The following CDH18 variants were observed in gnomAD, a reference collection of about 807,000 sequenced individuals.
CDH18 encodes the protein cadherin 18, also known as cadherin-18.
CDH18 carries 31 observed loss-of-function variants against 67.9 expected under a neutral mutation model. The ratio of observed to expected loss-of-function variants is 0.46; its 90% confidence interval spans 0.34 to 0.62. The LOEUF (loss-of-function observed/expected upper bound fraction) is 0.62, where lower values mean the gene tolerates loss of function less well. Ranked by LOEUF, CDH18 falls within the 20% of genes least tolerant of loss-of-function variation. CDH18 has a pLI of 0.01. For missense variants in CDH18, 890 were observed against 975.5 expected (o/e 0.91, Z 1.17); for synonymous variants, 362 against 347.2 (o/e 1.04, Z -0.48).
At chr5:20,299,009 A>G (rs1208485186) in intron 1 of CDH18, among the ~76,000 whole-genome samples, 2 of 152,198 alleles carry the variant, frequency 1.3e-5, no homozygotes, top group Non-Finnish European at 2.9e-5. Context: ...TAAAAAACAT[A>G]GGCATGACGG....
chr5:20,096,749 G>A (rs566801410), intron 2 of CDH18, among the ~76,000 whole-genome samples: 2 of 151,968 alleles, frequency 1.3e-5, no homozygotes, highest in East Asian at 1.9e-4. Context: ...AATAAAAGAG[G>A]AAACATTTAT....
intron 2 of CDH18, among the ~76,000 whole-genome samples, chr5:19,961,306 A>C (rs1366156976): frequency 6.6e-6 from 1 of 151,754 alleles, no homozygotes; most frequent in Non-Finnish European, 1.5e-5. Flanking sequence ...ATGGGGTTTC[A>C]CTATGTTGGC....
intron 2 of CDH18, among the ~76,000 whole-genome samples, chr5:20,084,351 G>A (rs2150548584): frequency 6.6e-6 from 1 of 152,300 alleles, no homozygotes; most frequent in Non-Finnish European, 1.5e-5. Context: ...GGTTCCTATG[G>A]CCTTGGGCAG....
At chr5:20,478,775 A>G (rs1017578779) in intron 1 of CDH18, among the ~76,000 whole-genome samples, 2 of 152,190 alleles carry the variant, frequency 1.3e-5, no homozygotes, top group Non-Finnish European at 2.9e-5. Flanking sequence ...ATAGCCAGAA[A>G]GTCATCACTG....
chr5:20,060,712 C>A (rs546088283), intron 2 of CDH18, among the ~76,000 whole-genome samples: 2 of 151,986 alleles, frequency 1.3e-5, no homozygotes, highest in East Asian at 3.9e-4. Flanking sequence ...CTTTTTAATG[C>A]AAATAAAAAT....
intron 2 of CDH18, among the ~76,000 whole-genome samples, chr5:20,011,212 G>A (rs1737410143): frequency 6.6e-6 from 1 of 152,104 alleles, no homozygotes; most frequent in Non-Finnish European, 1.5e-5. Flanking sequence ...TATTCTATTT[G>A]TGGCAATTGT....
intron 1 of CDH18, among the ~76,000 whole-genome samples, chr5:20,462,694 G>T (rs1042723183): frequency 8.5e-5 from 13 of 152,070 alleles, no homozygotes; most frequent in Admixed American, 7.2e-4. Flanking sequence ...TGCTGTTAAA[G>T]AATTTTGTTT....
chr5:20,414,032 T>C (rs1389641595), intron 1 of CDH18, among the ~76,000 whole-genome samples: 2 of 152,056 alleles, frequency 1.3e-5, no homozygotes, highest in African/African-American at 2.4e-5. Context: ...TATTAAAATT[T>C]CAAAAAACAA....
chr5:20,294,985 T>A (rs1222331353), intron 1 of CDH18, among the ~76,000 whole-genome samples: 2 of 152,306 alleles, frequency 1.3e-5, no homozygotes, highest in Admixed American at 6.5e-5. Flanking sequence ...AACTTTGAAA[T>A]CTGTGTGGGT....
intron 1 of CDH18, among the ~76,000 whole-genome samples, chr5:20,498,261 C>G (rs75661258): frequency 6.6e-6 from 1 of 152,056 alleles, no homozygotes; most frequent in Non-Finnish European, 1.5e-5. Flanking sequence ...TAGTAATTCT[C>G]TCTTCCTCTT....
Position 19,571,790 on chromosome 5 carries a change from C to A in CDH18, c.1042G>T (p.Glu348Ter). The change falls in exon 8 of 13, where the codon GAA becomes TAA. Residue 348 changes from glutamate (E) to a stop codon, truncating the protein, a stop_gained. Coordinates refer to ENST00000382275, the MANE Select transcript of CDH18 (RefSeq NM_004934.5). LOFTEE classifies it high-confidence loss of function. The part of the protein sequence containing the change: ...EKKKSYTLNI[E>*]GANTHLDFRF... ...AAATCAAGATGTGTATTTGCTCCTTCTATGTTGAGGGTATATGACTTCTTT... is the reference window on the plus strand; with the variant it reads ...AAATCAAGATGTGTATTTGCTCCTTATATGTTGAGGGTATATGACTTCTTT... The A allele has an allele frequency of 6.2e-7, 1 of 1,613,540 alleles. No individual in the cohort carries two copies. The highest frequency in any genetic ancestry group is 8.5e-7 in the Non-Finnish European group (1 of 1,179,612).
intron 2 of CDH18, among the ~76,000 whole-genome samples, chr5:20,220,139 G>T (rs1252462559): frequency 1.3e-5 from 2 of 151,752 alleles, no homozygotes; most frequent in African/African-American, 4.8e-5. Context: ...AATCTATATG[G>T]TATAATAAAT....
At chr5:19,616,063 T>C (rs1304353968) in intron 5 of CDH18, among the ~76,000 whole-genome samples, 1 of 152,154 alleles carries the variant, frequency 6.6e-6, no homozygotes, top group Non-Finnish European at 1.5e-5. Context: ...GTGTGGTTTC[T>C]GGATTGTATA....
intron 2 of CDH18, among the ~76,000 whole-genome samples, chr5:19,850,391 A>G (rs900830044): frequency 6.6e-6 from 1 of 151,866 alleles, no homozygotes; most frequent in Non-Finnish European, 1.5e-5. Flanking sequence ...ATCAACTACA[A>G]ATAATGTTTA....
At chr5:20,380,177 G>C (rs1488007277) in intron 1 of CDH18, among the ~76,000 whole-genome samples, 1 of 152,030 alleles carries the variant, frequency 6.6e-6, no homozygotes, top group Non-Finnish European at 1.5e-5. Context: ...TTTGATGGAT[G>C]GGTCAAAATT....
chr5:19,569,475 A>T (rs2149925242), intron 8 of CDH18, among the ~76,000 whole-genome samples: 1 of 152,278 alleles, frequency 6.6e-6, no homozygotes, highest in Middle Eastern at 3.4e-3. Context: ...CAGGTATTTC[A>T]TTCTCTTTCT....
At position 19,473,295 on chromosome 5, in the gene CDH18, T is replaced by C; in HGVS notation, c.2304A>G (p.Gly768=). The stretch of plus-strand genomic sequence containing the variant: ...ACTTTTTAAACTCGGGTCCCCAGTC[T>C]CCAAGGTAGTGATAATCCTGGTCTG... ...TQSDQDYHYL[G]DWGPEFKKLA... is the part of the protein sequence containing the mutation. The change falls in exon 13 of 13, where the codon GGA becomes GGG. Residue 768 remains glycine, a synonymous_variant. Transcript: ENST00000382275. 1 of 1,613,814 alleles carries C rather than the reference T, an allele frequency of 6.2e-7. No homozygotes were observed. Among genetic ancestry groups the C allele is most frequent in the Non-Finnish European group, 8.5e-7 (1 of 1,179,860 alleles).
chr5:19,865,796 T>C (rs570725964), intron 2 of CDH18, among the ~76,000 whole-genome samples: 1 of 152,198 alleles, frequency 6.6e-6, no homozygotes, highest in Non-Finnish European at 1.5e-5. Context: ...ATTTATTTTC[T>C]CTTGCTGCTA....
chr5:20,351,805 G>T (rs999381816), intron 1 of CDH18, among the ~76,000 whole-genome samples: 1 of 152,094 alleles, frequency 6.6e-6, no homozygotes, highest in African/African-American at 2.4e-5. Context: ...TTGCCTGTTG[G>T]TGGGGTAAGA....
Sources: gnomAD v4.1 joint callset for allele counts (sites outside exome capture counted in the v4.1 genomes callset) on GRCh38, gnomAD v4.1.1 for gene constraint, MANE v1.5 for transcripts, NCBI Gene and HGNC (gene_info 2026-07-23, HGNC 2026-07-21) for gene names.